ARHGAP42: variants seen among roughly 807,000 people sequenced by gnomAD.
ARHGAP42 encodes the protein rho GTPase-activating protein 42.
ARHGAP42 carries 63 observed loss-of-function variants against 125.0 expected under a neutral mutation model. That is an observed-to-expected ratio of 0.50 (90% CI 0.41 to 0.62). The LOEUF is 0.62. ARHGAP42 is among the 20% of genes least tolerant of loss of function. ARHGAP42 has a pLI of 0.00. For missense variants in ARHGAP42, 766 were observed against 1,024.2 expected, an observed-to-expected ratio of 0.75 and a Z score of 3.44; for synonymous variants, 339 against 351.0, an observed-to-expected ratio of 0.97 and a Z score of 0.38.
intron 7 of ARHGAP42, among the ~76,000 whole-genome samples, chr11:100,933,726 G>A (rs1384815136): frequency 1.3e-5 from 2 of 151,866 alleles, no homozygotes; most frequent in African/African-American, 4.8e-5. Context: ...ATTTTTATTT[G>A]TCAATTATAC....
At chr11:100,779,497 CAT>C (rs1491535524) in intron 2 of ARHGAP42, among the ~76,000 whole-genome samples, 4 of 87,976 alleles carry the variant, frequency 4.5e-5, no homozygotes, top group East Asian at 5.7e-4. Context: ...CACACACACA[CAT>C]ATATACACGT....
intron 11 of ARHGAP42, among the ~76,000 whole-genome samples, chr11:100,949,625 A>G (rs981837134): frequency 6.6e-6 from 1 of 152,176 alleles, no homozygotes; most frequent in Non-Finnish European, 1.5e-5. Flanking sequence ...TTCCTGAGAA[A>G]GGCTCATTAT....
chr11:100,902,172 C>T (rs1251711208), intron 4 of ARHGAP42, among the ~76,000 whole-genome samples: 2 of 152,178 alleles, frequency 1.3e-5, no homozygotes, highest in East Asian at 1.9e-4. Flanking sequence ...ACACTTTAAC[C>T]CGTTGAAGAA....
chr11:100,916,708 C>T (rs1054523490), intron 5 of ARHGAP42, among the ~76,000 whole-genome samples: 56 of 151,986 alleles, frequency 3.7e-4, no homozygotes, highest in African/African-American at 1.3e-3. Flanking sequence ...GTAGTTGAGA[C>T]GATTTCTCTT....
intron 10 of ARHGAP42, among the ~76,000 whole-genome samples, chr11:100,947,468 T>A (rs1157891897): frequency 6.6e-6 from 1 of 151,966 alleles, no homozygotes; most frequent in Non-Finnish European, 1.5e-5. Context: ...TTTTCATCTT[T>A]AAATTAAGGA....
intron 1 of ARHGAP42, among the ~76,000 whole-genome samples, chr11:100,752,860 G>T (rs540084034): frequency 6.6e-6 from 1 of 152,200 alleles, no homozygotes; most frequent in Non-Finnish European, 1.5e-5. Context: ...TCCTTCCTGG[G>T]TGCAGTGTTA....
At chr11:100,736,473 G>A (rs73003899) in intron 1 of ARHGAP42, among the ~76,000 whole-genome samples, 1 of 152,280 alleles carries the variant, frequency 6.6e-6, no homozygotes, top group Non-Finnish European at 1.5e-5. Flanking sequence ...CAAATCATGG[G>A]ACTGCTACCA....
intron 4 of ARHGAP42, among the ~76,000 whole-genome samples, chr11:100,911,299 A>G (rs1866910245): frequency 6.6e-6 from 1 of 152,172 alleles, no homozygotes; most frequent in Non-Finnish European, 1.5e-5. Context: ...TTTATTGAGT[A>G]TTCATTAGGT....
intron 22 of ARHGAP42, among the ~76,000 whole-genome samples, chr11:100,985,133 A>G (rs1043422658): frequency 5.9e-5 from 9 of 152,218 alleles, no homozygotes; most frequent in Non-Finnish European, 7.3e-5. Flanking sequence ...AATACTATAA[A>G]TACAAGTAAG....
chr11:100,720,136 C>T, intron 1 of ARHGAP42, among the ~76,000 whole-genome samples: 1 of 152,186 alleles, frequency 6.6e-6, no homozygotes. Context: ...AAACTTGCCC[C>T]AGAAGGCACA....
intron 1 of ARHGAP42, among the ~76,000 whole-genome samples, chr11:100,753,750 A>T (rs987241066): frequency 3.9e-5 from 6 of 152,018 alleles, no homozygotes; most frequent in Non-Finnish European, 8.8e-5. Flanking sequence ...ATCAGTTCCC[A>T]CACTGGATAG....
At position 100,687,313 on chromosome 11, in the gene ARHGAP42, T is replaced by G. The variant is rs536876159; in HGVS notation, c.-366T>G. Among the ~76,000 whole-genome samples, 1 of 151,598 alleles carries G rather than the reference T, an allele frequency of 6.6e-6. No homozygotes were observed. Among genetic ancestry groups the G allele is most frequent in the African/African-American group, 2.4e-5 (1 of 41,236 alleles). Reference sequence around the variant, plus strand: ...ACAACGCCGACGACTGTCAAGAGAGTTGGGGAGTGGAACTGCCGGAAGTGT... The same window carrying G: ...ACAACGCCGACGACTGTCAAGAGAGGTGGGGAGTGGAACTGCCGGAAGTGT... On this transcript the variant is annotated 5_prime_UTR_variant, in exon 1 of 24. Transcript: ENST00000298815.
chr11:100,888,160 G>C lies in ARHGAP42; in HGVS notation c.385-25292G>C, dbSNP rs1423762653. 2.0e-5 allele frequency among the ~76,000 whole-genome samples: 3 copies of C among 152,058 alleles called. No individual in the cohort carries two copies. In the East Asian group the frequency reaches 5.8e-4, roughly 29 times the overall value. On this transcript the variant is annotated intron_variant, in intron 4 of 23. Transcript: ENST00000298815. Reference sequence around the variant, plus strand: ...GTATTTCACATAAGAAGGTACAGTTGATTGTGGAGCAGAACGCCCCAAACA... The same window carrying C: ...GTATTTCACATAAGAAGGTACAGTTCATTGTGGAGCAGAACGCCCCAAACA...
intron 2 of ARHGAP42, among the ~76,000 whole-genome samples, chr11:100,790,730 T>C (rs1298738710): frequency 6.6e-6 from 1 of 152,232 alleles, no homozygotes; most frequent in African/African-American, 2.4e-5. Flanking sequence ...TTCAGTCTAC[T>C]GTGTATTAAG....
intron 3 of ARHGAP42, among the ~76,000 whole-genome samples, chr11:100,830,509 A>G (rs1334975072): frequency 6.6e-6 from 1 of 152,120 alleles, no homozygotes; most frequent in Non-Finnish European, 1.5e-5. Context: ...TGCTTGTTAG[A>G]TATGCATGAT....
chr11:100,957,334 G>C (rs1231241316), intron 12 of ARHGAP42, among the ~76,000 whole-genome samples: 2 of 151,912 alleles, frequency 1.3e-5, no homozygotes, highest in East Asian at 3.9e-4. Flanking sequence ...CATTGAATTC[G>C]TCTTGTTCCA....
At chr11:100,808,197 A>G (rs1222168732) in intron 3 of ARHGAP42, among the ~76,000 whole-genome samples, 1 of 152,184 alleles carries the variant, frequency 6.6e-6, no homozygotes, top group Non-Finnish European at 1.5e-5. Context: ...GACCAACCAG[A>G]TATTCAGAAA....
At chr11:100,787,906 T>A (rs1800985093) in intron 2 of ARHGAP42, among the ~76,000 whole-genome samples, 1 of 152,220 alleles carries the variant, frequency 6.6e-6, no homozygotes, top group Non-Finnish European at 1.5e-5. Flanking sequence ...GGTGTTTGAT[T>A]GCTGGAAGGA....
At chr11:100,817,715 G>A (rs980085260) in intron 3 of ARHGAP42, among the ~76,000 whole-genome samples, 6 of 152,288 alleles carry the variant, frequency 3.9e-5, no homozygotes, top group African/African-American at 1.2e-4. Context: ...CAAGATGACT[G>A]TTATTATTCC....
Sources: gnomAD v4.1 joint callset for allele counts (sites outside exome capture counted in the v4.1 genomes callset) on GRCh38, gnomAD v4.1.1 for gene constraint, MANE v1.5 for transcripts, NCBI Gene and HGNC (gene_info 2026-07-23, HGNC 2026-07-21) for gene names.